The following CTBP2 variants were observed in gnomAD, a reference collection of about 807,000 sequenced individuals.
CTBP2 encodes C-terminal binding protein 2, also known as C-terminal-binding protein 2.
A neutral mutation model predicts 80.3 loss-of-function variants in CTBP2; 30 were observed. The observed-to-expected ratio is 0.37, with a 90% CI of 0.28 to 0.51. CTBP2 has a LOEUF of 0.51. CTBP2 is among the 20% of genes least tolerant of loss of function. CTBP2 has a pLI of 0.93. For synonymous variants in CTBP2, 594 were observed against 587.4 expected (o/e 1.01, Z -0.16); for missense variants, 1,212 against 1,375.3 (o/e 0.88, Z 1.88).
intron 2 of CTBP2, among the ~76,000 whole-genome samples, chr10:125,065,170 C>G (rs1844432267): frequency 6.6e-6 from 1 of 152,202 alleles, no homozygotes; most frequent in Non-Finnish European, 1.5e-5. Context: ...GGCTGCTTGA[C>G]AGACTGTTCT....
intron 2 of CTBP2, among the ~76,000 whole-genome samples, chr10:125,058,877 G>A (rs1372420125): frequency 2.0e-5 from 3 of 152,148 alleles, no homozygotes; most frequent in African/African-American, 7.2e-5. Context: ...CTGGGCGACA[G>A]GGTGAGACTC....
At chr10:125,070,742 T>C (rs888856427) in intron 2 of CTBP2, among the ~76,000 whole-genome samples, 1 of 152,114 alleles carries the variant, frequency 6.6e-6, no homozygotes, top group Non-Finnish European at 1.5e-5. Context: ...CTCAGCTCAC[T>C]GCAGCCTCCG....
intron 2 of CTBP2, among the ~76,000 whole-genome samples, chr10:125,086,089 A>AAG (rs1188516905): frequency 6.6e-6 from 1 of 152,108 alleles, no homozygotes; most frequent in Admixed American, 6.5e-5. Context: ...AGTCCAAAGT[A>AAG]TCTCTCTGGT....
chr10:125,080,972 G>T (rs1847087669), intron 2 of CTBP2, among the ~76,000 whole-genome samples: 1 of 150,496 alleles, frequency 6.6e-6, no homozygotes, highest in South Asian at 2.1e-4. Flanking sequence ...AAAAAAAGGA[G>T]ATTGAGATAA....
At chr10:125,003,221 A>G (rs1270396200) in intron 2 of CTBP2, 117 bp from the exon 5 acceptor site, 2 of 1,583,628 alleles carry the variant, frequency 1.3e-6, no homozygotes, top group African/African-American at 2.7e-5. Context: ...TTCAGCAGGA[A>G]AGCAGGGAAC....
chr10:125,106,823 C>T (rs1409788741), intron 2 of CTBP2, among the ~76,000 whole-genome samples: 1 of 152,222 alleles, frequency 6.6e-6, no homozygotes, highest in Admixed American at 6.5e-5. Flanking sequence ...GAACCAGCAG[C>T]CAGGGTGGCG....
chr10:125,042,384 G>C (rs1428479324), intron 2 of CTBP2, among the ~76,000 whole-genome samples: 2 of 152,116 alleles, frequency 1.3e-5, no homozygotes, highest in Non-Finnish European at 2.9e-5. Context: ...CAGCTCTCTT[G>C]GTGATGCCTG....
At chr10:125,059,777 C>T (rs142314943) in intron 2 of CTBP2, among the ~76,000 whole-genome samples, 204 of 152,246 alleles carry the variant, frequency 1.3e-3, no homozygotes, top group African/African-American at 3.5e-3. Flanking sequence ...ATTTCCTGCC[C>T]GCCCACCCCC....
intron 1 of CTBP2, among the ~76,000 whole-genome samples, chr10:125,142,057 G>A (rs1252637038): frequency 2.0e-5 from 3 of 152,180 alleles, no homozygotes; most frequent in Non-Finnish European, 4.4e-5. Flanking sequence ...GGAGCCCAGG[G>A]AGCATGGCCT....
chr10:125,006,823 C>T (rs886904382), intron 1 of CTBP2, among the ~76,000 whole-genome samples: 1 of 152,132 alleles, frequency 6.6e-6, no homozygotes, highest in Non-Finnish European at 1.5e-5. Context: ...AGGAGAAAGC[C>T]CAAGGCGCAG....
chr10:125,069,880 GC>G (rs1201050608), intron 2 of CTBP2, among the ~76,000 whole-genome samples: 2 of 102,892 alleles, frequency 1.9e-5, no homozygotes, highest in Non-Finnish European at 4.3e-5. Context: ...TCCATACCCT[GC>G]CCCCCTCCCC....
intron 2 of CTBP2, among the ~76,000 whole-genome samples, chr10:125,078,866 G>A (rs566981991): frequency 3.7e-4 from 57 of 152,102 alleles, no homozygotes; most frequent in African/African-American, 1.3e-3. Flanking sequence ...GGCCTGGCAC[G>A]GTGGCTCGTG....
intron 4 of CTBP2, 96 bp from the exon 7 acceptor site, chr10:124,994,779 C>A: frequency 1.6e-6 from 2 of 1,235,472 alleles, no homozygotes; most frequent in South Asian, 1.3e-5. Flanking sequence ...GGCTTGGCAT[C>A]CCCGCTGGTA....
intron 2 of CTBP2, among the ~76,000 whole-genome samples, chr10:125,063,459 C>A (rs547483636): frequency 6.6e-6 from 1 of 152,300 alleles, no homozygotes; most frequent in Non-Finnish European, 1.5e-5. Flanking sequence ...GGATAACACC[C>A]AAACACGTCG....
Position 125,052,864 on chromosome 10 carries a change from T to G in CTBP2, c.-101-13709A>C, listed in dbSNP as rs542375847. 2.0e-5 allele frequency among the ~76,000 whole-genome samples: 3 copies of G among 152,332 alleles called. No homozygotes were observed. In the South Asian group the frequency reaches 6.2e-4, roughly 32 times the overall value. On this transcript the variant is annotated intron_variant, in intron 2 of 10. Transcript: ENST00000337195. ...GGCGCTTGGATCAACTCCATTCATA[T>G]GGCTTTGGGACAGCCACGTGCATCT...
At chr10:125,092,357 A>T (rs7087635) in intron 2 of CTBP2, among the ~76,000 whole-genome samples, 6,799 of 151,654 alleles carry the variant, frequency 0.045, 527 homozygotes, top group African/African-American at 0.16. Flanking sequence ...CACCCAGCTC[A>T]TTTTTGTATT....
intron 2 of CTBP2, among the ~76,000 whole-genome samples, chr10:125,092,400 C>T (rs903293335): frequency 6.6e-6 from 1 of 151,958 alleles, no homozygotes; most frequent in East Asian, 1.9e-4. Context: ...ACGTTGGTCT[C>T]GAACTCCTGA....
At chr10:125,064,604 G>C (rs1287140805) in intron 2 of CTBP2, among the ~76,000 whole-genome samples, 2 of 152,208 alleles carry the variant, frequency 1.3e-5, no homozygotes, top group Admixed American at 6.5e-5. Flanking sequence ...TAGTCAGAGT[G>C]CGTGCTCTGA....
chr10:125,117,676 G>A (rs1479346028), intron 1 of CTBP2, among the ~76,000 whole-genome samples: 3 of 152,196 alleles, frequency 2.0e-5, no homozygotes, highest in Admixed American at 6.5e-5. Flanking sequence ...GTACCCGAGA[G>A]GTTGTCACTT....
Sources: allele counts gnomAD v4.1 joint callset (sites outside exome capture counted in the v4.1 genomes callset), GRCh38; gene constraint gnomAD v4.1.1; transcripts MANE v1.5; gene names NCBI Gene and HGNC (gene_info 2026-07-23, HGNC 2026-07-21).